The following TCF12 variants were observed in gnomAD, a reference collection of about 807,000 sequenced individuals.
TCF12 encodes the protein transcription factor 12, also known as DNA-binding protein HTF4.
Under a neutral mutation model 86.0 loss-of-function variants are expected in TCF12, and 45 were observed. That is an observed-to-expected ratio of 0.52 (90% CI 0.41 to 0.67). TCF12 has a LOEUF of 0.67. TCF12 is among the 30% of genes least tolerant of loss of function. TCF12 has a pLI of 0.00. For synonymous variants in TCF12, 330 were observed against 299.6 expected (o/e 1.10, Z -1.05); for missense variants, 881 against 859.9 (o/e 1.02, Z -0.31).
chr15:57,223,569 G>A (rs1477364555), intron 8 of TCF12, among the ~76,000 whole-genome samples: 1 of 144,858 alleles, frequency 6.9e-6, no homozygotes, highest in South Asian at 2.2e-4. Flanking sequence ...GTTTTAGCAA[G>A]TCTCCTCTTC....
At chr15:57,061,310 A>G (rs560975618) in intron 3 of TCF12, among the ~76,000 whole-genome samples, 1 of 152,248 alleles carries the variant, frequency 6.6e-6, no homozygotes, top group African/African-American at 2.4e-5. Flanking sequence ...AATACATGCA[A>G]AGCTGGGCAT....
chr15:57,213,661 T>G (rs1171537666), intron 8 of TCF12, among the ~76,000 whole-genome samples: 10 of 152,142 alleles, frequency 6.6e-5, no homozygotes, highest in African/African-American at 2.4e-4. Context: ...AAGGATCTGA[T>G]GTCTTCCAGT....
chr15:57,053,480 CT>C (rs1277274599), intron 3 of TCF12, among the ~76,000 whole-genome samples: 1 of 152,190 alleles, frequency 6.6e-6, no homozygotes. Context: ...TGTAGTCCCA[CT>C]TGTCTGTTTT....
At chr15:57,060,884 G>A (rs1051643746) in intron 3 of TCF12, among the ~76,000 whole-genome samples, 1 of 152,142 alleles carries the variant, frequency 6.6e-6, no homozygotes, top group Non-Finnish European at 1.5e-5. Flanking sequence ...TTCTGTGTTT[G>A]TACAGCCATT....
intron 4 of TCF12, among the ~76,000 whole-genome samples, chr15:57,083,399 G>A (rs1290733539): frequency 4.6e-5 from 7 of 150,610 alleles, no homozygotes; most frequent in South Asian, 2.2e-4. Flanking sequence ...ACATTCTCTC[G>A]TTTCTACAAT....
chr15:57,073,420 C>A (rs1251950825), intron 4 of TCF12, among the ~76,000 whole-genome samples: 1 of 152,052 alleles, frequency 6.6e-6, no homozygotes, highest in Non-Finnish European at 1.5e-5. Context: ...TTTGTACCCA[C>A]TTGGGTTTTT....
intron 18 of TCF12, among the ~76,000 whole-genome samples, chr15:57,265,083 T>TA (rs1189565409): frequency 1.2e-4 from 5 of 42,784 alleles, no homozygotes; most frequent in Admixed American, 3.3e-4. Flanking sequence ...TATAGTATAG[T>TA]ATAGTATAGT....
At chr15:57,180,542 ACTCC>A (rs2056263146) in intron 6 of TCF12, among the ~76,000 whole-genome samples, 1 of 151,516 alleles carries the variant, frequency 6.6e-6, no homozygotes, top group African/African-American at 2.4e-5. Context: ...ATTTCCACAT[ACTCC>A]CTCCCCCAAA....
intron 3 of TCF12, among the ~76,000 whole-genome samples, chr15:57,010,912 G>A (rs1310345825): frequency 6.6e-6 from 1 of 152,136 alleles, no homozygotes; most frequent in Non-Finnish European, 1.5e-5. Flanking sequence ...TCGTATTGCT[G>A]TGAGTCAGAG....
intron 5 of TCF12, among the ~76,000 whole-genome samples, chr15:57,160,521 G>A (rs1338765206): frequency 1.3e-5 from 2 of 151,884 alleles, no homozygotes; most frequent in South Asian, 2.1e-4. Context: ...TAACCTTTGC[G>A]GTATTTTTAG....
intron 3 of TCF12, among the ~76,000 whole-genome samples, chr15:56,986,513 C>T (rs115403493): frequency 0.012 from 1,764 of 152,092 alleles, 32 homozygotes; most frequent in African/African-American, 0.04. Context: ...TCTTTTAAGT[C>T]AAAAAAGCAG....
chr15:56,986,002 G>A (rs1199000765), intron 3 of TCF12, among the ~76,000 whole-genome samples: 3 of 152,122 alleles, frequency 2.0e-5, no homozygotes, highest in African/African-American at 4.8e-5. Context: ...TCACCCAGCA[G>A]TTTTTGATCT....
At chr15:57,187,393 G>C (rs1271330786) in intron 6 of TCF12, among the ~76,000 whole-genome samples, 1 of 152,102 alleles carries the variant, frequency 6.6e-6, no homozygotes, top group Non-Finnish European at 1.5e-5. Context: ...ATTCAGCATT[G>C]TACTGGAAAT....
intron 5 of TCF12, among the ~76,000 whole-genome samples, chr15:57,103,532 A>C (rs1385479505): frequency 6.6e-6 from 1 of 152,208 alleles, no homozygotes; most frequent in East Asian, 1.9e-4. Flanking sequence ...TCCCAAACGC[A>C]CTTATGAAGA....
At chr15:57,082,829 A>G (rs1230237117) in intron 4 of TCF12, among the ~76,000 whole-genome samples, 1 of 152,206 alleles carries the variant, frequency 6.6e-6, no homozygotes, top group Admixed American at 6.5e-5. Context: ...CCCAAGAGAA[A>G]ATTTCATATA....
chr15:57,278,513 T>C (rs1336759523), intron 19 of TCF12: 3 of 150,970 alleles, frequency 2.0e-5, no homozygotes, highest in East Asian at 1.9e-4. Context: ...TAAACAGTTA[T>C]ATGAGCAAGG....
intron 5 of TCF12, among the ~76,000 whole-genome samples, chr15:57,127,981 G>A (rs2051799265): frequency 1.3e-5 from 2 of 152,068 alleles, no homozygotes; most frequent in South Asian, 2.1e-4. Flanking sequence ...TAACAGTAAT[G>A]TTCTTTTTTA....
chr15:57,147,605 G>A (rs993838147), intron 5 of TCF12, among the ~76,000 whole-genome samples: 3 of 151,954 alleles, frequency 2.0e-5, no homozygotes, highest in African/African-American at 7.3e-5. Context: ...AACCTATAAA[G>A]GTGCAGTTAA....
intron 3 of TCF12, among the ~76,000 whole-genome samples, chr15:57,051,156 T>G (rs990835904): frequency 6.6e-6 from 1 of 152,220 alleles, no homozygotes; most frequent in Non-Finnish European, 1.5e-5. Flanking sequence ...TTGATTATCT[T>G]GAGGCATGGT....
Sources: gnomAD v4.1 joint callset for allele counts (sites outside exome capture counted in the v4.1 genomes callset) on GRCh38, gnomAD v4.1.1 for gene constraint, MANE v1.5 for transcripts, NCBI Gene and HGNC (gene_info 2026-07-23, HGNC 2026-07-21) for gene names.